Variants in VSTM5 observed in about 807,000 individuals in gnomAD.
The protein encoded by VSTM5 is V-set and transmembrane domain containing 5, also known as V-set and transmembrane domain-containing protein 5.
Under a neutral mutation model 20.3 loss-of-function variants are expected in VSTM5, and 21 were observed. The ratio of observed to expected loss-of-function variants is 1.03; its 90% CI spans 0.73 to 1.49. The LOEUF is 1.49. Among genes scored for constraint, VSTM5 ranks in the 40% most tolerant of loss-of-function variants. VSTM5 has a pLI of 0.00. For synonymous variants in VSTM5, 100 were observed against 102.5 expected (o/e 0.98, Z 0.14); for missense variants, 219 against 250.0 (o/e 0.88, Z 0.84).
At chr11:93,830,670 C>T (rs1022967442) in intron 1 of VSTM5, among the ~76,000 whole-genome samples, 17 of 152,038 alleles carry the variant, frequency 1.1e-4, no homozygotes, top group Admixed American at 8.5e-4. Flanking sequence ...CTGGGGAAGG[C>T]GCTGGAGGGA....
intron 1 of VSTM5, among the ~76,000 whole-genome samples, chr11:93,825,994 C>T (rs901666633): frequency 3.3e-5 from 5 of 151,374 alleles, no homozygotes; most frequent in African/African-American, 4.8e-5. Context: ...CCCAGCACTT[C>T]GAGAGGCCAG....
At chr11:93,835,719 A>G (rs542610334) in intron 1 of VSTM5, among the ~76,000 whole-genome samples, 2 of 152,310 alleles carry the variant, frequency 1.3e-5, no homozygotes, top group East Asian at 3.9e-4. Context: ...CTGCCAGTTG[A>G]CAGGCACTTC....
chr11:93,841,569 G>A (rs370590933), intron 1 of VSTM5, among the ~76,000 whole-genome samples: 1 of 152,156 alleles, frequency 6.6e-6, no homozygotes, highest in Non-Finnish European at 1.5e-5. Flanking sequence ...TGCAGGGCCC[G>A]GTCTCCAGTT....
At chr11:93,829,417 A>C (rs1944264050) in intron 1 of VSTM5, among the ~76,000 whole-genome samples, 1 of 152,162 alleles carries the variant, frequency 6.6e-6, no homozygotes, top group South Asian at 2.1e-4. Flanking sequence ...AATCCCAGCT[A>C]CTTGGGAGGC....
chr11:93,827,489 T>G (rs1944248490), intron 1 of VSTM5: 1 of 152,232 alleles, frequency 6.6e-6, no homozygotes, highest in South Asian at 2.1e-4. Context: ...TAACCACGTC[T>G]GCATCTCATG....
intron 1 of VSTM5, among the ~76,000 whole-genome samples, chr11:93,834,798 A>T (rs1434960189): frequency 3.3e-5 from 5 of 151,316 alleles, no homozygotes; most frequent in South Asian, 4.2e-4. Flanking sequence ...AAAAAAAAAA[A>T]AAAAATTTAA....
At chr11:93,830,759 C>CTTT (rs553124123) in intron 1 of VSTM5, among the ~76,000 whole-genome samples, 2 of 136,102 alleles carry the variant, frequency 1.5e-5, no homozygotes, top group African/African-American at 2.7e-5. Context: ...TCGGTTGGTT[C>CTTT]TTTTTTTTTT....
chr11:93,830,504 A>T (rs2135733186), intron 1 of VSTM5, among the ~76,000 whole-genome samples: 1 of 152,370 alleles, frequency 6.6e-6, no homozygotes, highest in East Asian at 1.9e-4. Context: ...CAGAACCCCC[A>T]GTGCCCAAGA....
chr11:93,838,151 C>A (rs548850879), intron 1 of VSTM5, among the ~76,000 whole-genome samples: 5 of 151,774 alleles, frequency 3.3e-5, no homozygotes, highest in Non-Finnish European at 7.4e-5. Context: ...CCTTTCCGAG[C>A]CACTTCGTGG....
intron 1 of VSTM5, among the ~76,000 whole-genome samples, chr11:93,830,573 CAT>C (rs1008009410): frequency 6.6e-6 from 1 of 152,184 alleles, no homozygotes; most frequent in African/African-American, 2.4e-5. Flanking sequence ...CAAATGGTGA[CAT>C]GTGTGCCCTG....
intron 1 of VSTM5, among the ~76,000 whole-genome samples, chr11:93,842,627 G>T (rs562643514): frequency 6.6e-6 from 1 of 152,368 alleles, no homozygotes; most frequent in Non-Finnish European, 1.5e-5. Context: ...AAGCTGGGTG[G>T]CAAGACTGAG....
At chr11:93,839,957 C>T (rs1944357915) in intron 1 of VSTM5, among the ~76,000 whole-genome samples, 1 of 152,002 alleles carries the variant, frequency 6.6e-6, no homozygotes, top group Non-Finnish European at 1.5e-5. Flanking sequence ...GGAGTGAGTG[C>T]CGTGTGAAGA....
chr11:93,839,031 G>T (rs1048042919), intron 1 of VSTM5, among the ~76,000 whole-genome samples: 12 of 152,320 alleles, frequency 7.9e-5, no homozygotes, highest in Middle Eastern at 3.4e-3. Context: ...CAGCTGCCCA[G>T]CCAGCAACGC....
At chr11:93,846,507 C>T (rs1050247110) in intron 1 of VSTM5, among the ~76,000 whole-genome samples, 18 of 152,318 alleles carry the variant, frequency 1.2e-4, no homozygotes, top group African/African-American at 4.3e-4. Flanking sequence ...ATACGATGTG[C>T]GCATCACTAG....
At chr11:93,827,138 C>T (rs1034579732) in intron 1 of VSTM5, among the ~76,000 whole-genome samples, 3 of 152,114 alleles carry the variant, frequency 2.0e-5, no homozygotes, top group African/African-American at 7.2e-5. Flanking sequence ...AATCCCAGCA[C>T]TTTGGGAGGC....
intron 1 of VSTM5, among the ~76,000 whole-genome samples, chr11:93,844,753 A>G (rs1265764098): frequency 1.3e-5 from 2 of 152,158 alleles, no homozygotes; most frequent in Non-Finnish European, 2.9e-5. Flanking sequence ...AAACCGAGCT[A>G]ACTGCCTTTC....
chr11:93,822,723 C>T (rs1944199108), intron 1 of VSTM5, among the ~76,000 whole-genome samples: 1 of 152,092 alleles, frequency 6.6e-6, no homozygotes. Flanking sequence ...CTCCTGGCCT[C>T]AATTGATCTG....
chr11:93,838,182 T>C (rs1944339098), intron 1 of VSTM5, among the ~76,000 whole-genome samples: 1 of 140,018 alleles, frequency 7.1e-6, no homozygotes, highest in African/African-American at 3.0e-5. Flanking sequence ...AATGATTCAA[T>C]TTAAAAAAGT....
At chr11:93,825,743 CCTTTTCTTTTT>C (rs1944227993) in intron 1 of VSTM5, among the ~76,000 whole-genome samples, 1 of 147,304 alleles carries the variant, frequency 6.8e-6, no homozygotes, top group African/African-American at 2.5e-5. Context: ...TTTTTTTCTT[CCTTTTCTTTTT>C]CTTTTCTTTT....
Sources: allele counts gnomAD v4.1 joint callset (sites outside exome capture counted in the v4.1 genomes callset), GRCh38; gene constraint gnomAD v4.1.1; transcripts MANE v1.5; gene names NCBI Gene and HGNC (gene_info 2026-07-23, HGNC 2026-07-21).